Variants in NALF1 observed in about 807,000 individuals in gnomAD.
The protein encoded by NALF1 is NALCN channel auxiliary factor 1, also known as family with sequence similarity 155 member A.
In NALF1, 3 loss-of-function variants were observed where a neutral mutation model predicts 48.4. That is an observed-to-expected ratio of 0.06 (90% CI 0.03 to 0.16). The LOEUF is 0.16. Among genes scored for constraint, NALF1 ranks in the 10% least tolerant of loss-of-function variants. NALF1 has a pLI of 1.00. For missense variants in NALF1, 526 were observed against 571.5 expected, an observed-to-expected ratio of 0.92 and a Z score of 0.81; for synonymous variants, 262 against 245.7, an observed-to-expected ratio of 1.07 and a Z score of -0.62.
intron 1 of NALF1, among the ~76,000 whole-genome samples, chr13:107,482,832 C>A (rs994440617): frequency 6.6e-6 from 1 of 152,260 alleles, no homozygotes; most frequent in African/African-American, 2.4e-5. Context: ...ATACTGGCAA[C>A]GTGCACTATG....
At chr13:107,211,707 A>G (rs1157301226) in intron 1 of NALF1, among the ~76,000 whole-genome samples, 2 of 152,202 alleles carry the variant, frequency 1.3e-5, no homozygotes, top group African/African-American at 4.8e-5. Flanking sequence ...TCTAGGGTTA[A>G]TATTATCCAA....
Position 107,440,533 on chromosome 13 carries a change from C to A in NALF1, c.916-229778G>T, listed in dbSNP as rs534439540. Among the ~76,000 whole-genome samples the A allele has an allele frequency of 2.6e-5, 4 of 152,190 alleles. No individual in the cohort carries two copies. The East Asian group carries it at 7.7e-4, about 29-fold the overall frequency. On this transcript the variant is annotated intron_variant, in intron 1 of 2. Transcript: ENST00000375915. ...TTTTTAAAGTCAGTCATAATGTTTG[C>A]GCTGAGTTTTGAGAGAAAGAGAAGA...
intron 1 of NALF1, among the ~76,000 whole-genome samples, chr13:107,327,580 G>A (rs1882388114): frequency 6.6e-6 from 1 of 152,052 alleles, no homozygotes; most frequent in African/African-American, 2.4e-5. Context: ...AATTTATCTG[G>A]CTTGTGAATA....
At chr13:107,601,696 T>A (rs2138425108) in intron 1 of NALF1, among the ~76,000 whole-genome samples, 1 of 152,244 alleles carries the variant, frequency 6.6e-6, no homozygotes, top group Middle Eastern at 3.4e-3. Context: ...ATTCTCTTTT[T>A]TCATAAGTAG....
At chr13:107,303,949 T>C (rs1289391482) in intron 1 of NALF1, among the ~76,000 whole-genome samples, 1 of 152,198 alleles carries the variant, frequency 6.6e-6, no homozygotes, top group Non-Finnish European at 1.5e-5. Context: ...TCAATCCAAA[T>C]ATAATCTATT....
At chr13:107,556,698 C>T (rs1594127711) in intron 1 of NALF1, among the ~76,000 whole-genome samples, 1 of 152,158 alleles carries the variant, frequency 6.6e-6, no homozygotes, top group Admixed American at 6.5e-5. Flanking sequence ...GTTAGTCAGG[C>T]TGGTTGCGAA....
At chr13:107,500,804 G>C (rs376073562) in intron 1 of NALF1, among the ~76,000 whole-genome samples, 1 of 151,826 alleles carries the variant, frequency 6.6e-6, no homozygotes, top group Non-Finnish European at 1.5e-5. Context: ...GTCCTTTGTA[G>C]GGACATGGAT....
chr13:107,598,486 G>A (rs980421675), intron 1 of NALF1, among the ~76,000 whole-genome samples: 1 of 152,146 alleles, frequency 6.6e-6, no homozygotes, highest in Non-Finnish European at 1.5e-5. Context: ...CATAGACCCA[G>A]TTGCTAAGGA....
intron 1 of NALF1, among the ~76,000 whole-genome samples, chr13:107,805,756 T>C (rs938769894): frequency 6.6e-6 from 1 of 152,212 alleles, no homozygotes; most frequent in African/African-American, 2.4e-5. Flanking sequence ...TCTACAATCT[T>C]GGAAGTCTTG....
rs141683374 is a variant in NALF1, at chr13:107,627,984, A to G, written c.915+237698T>C. On this transcript the variant is annotated intron_variant, in intron 1 of 2. Transcript: ENST00000375915. ...TAATTCTACTTTCATTTACTGGTAA[A>G]GTTATGTGGAATTTATAAATCATAC... Among the ~76,000 whole-genome samples the G allele has an allele frequency of 3.0e-3, 455 of 152,260 alleles. 3 individuals are homozygous for G. The highest frequency in any genetic ancestry group is 0.01 in the African/African-American group (436 of 41,578).
chr13:107,658,701 TC>T (rs1880649711), intron 1 of NALF1, among the ~76,000 whole-genome samples: 1 of 152,064 alleles, frequency 6.6e-6, no homozygotes. Flanking sequence ...ATTCCCTCAC[TC>T]CCGCTCCACT....
At chr13:107,255,600 AG>A (rs1880797847) in intron 1 of NALF1, among the ~76,000 whole-genome samples, 1 of 152,224 alleles carries the variant, frequency 6.6e-6, no homozygotes. Context: ...ACGAATGGAG[AG>A]GACTAATCCA....
At chr13:107,237,954 T>C (rs1019651831) in intron 1 of NALF1, among the ~76,000 whole-genome samples, 1 of 152,194 alleles carries the variant, frequency 6.6e-6, no homozygotes, top group Admixed American at 6.5e-5. Flanking sequence ...GCCATTAACA[T>C]ACACACTAGA....
intron 1 of NALF1, among the ~76,000 whole-genome samples, chr13:107,495,195 T>C (rs1255810013): frequency 6.6e-6 from 1 of 152,230 alleles, no homozygotes; most frequent in Non-Finnish European, 1.5e-5. Flanking sequence ...TGTTGGCCTA[T>C]ATAGTGTAGA....
chr13:107,399,784 T>C (rs1482406420), intron 1 of NALF1, among the ~76,000 whole-genome samples: 1 of 152,194 alleles, frequency 6.6e-6, no homozygotes, highest in Non-Finnish European at 1.5e-5. Flanking sequence ...TTAACAGTTC[T>C]GGTTCTTCCT....
intron 1 of NALF1, among the ~76,000 whole-genome samples, chr13:107,367,925 T>C (rs1325266410): frequency 1.3e-5 from 2 of 152,190 alleles, no homozygotes; most frequent in East Asian, 3.9e-4. Context: ...CTGAAGATGC[T>C]ATCTTTGATT....
At chr13:107,209,145 C>G (rs2138802878) in intron 2 of NALF1, among the ~76,000 whole-genome samples, 1 of 152,234 alleles carries the variant, frequency 6.6e-6, no homozygotes, top group Non-Finnish European at 1.5e-5. Flanking sequence ...ACAATAGAAA[C>G]AGGATGAAGG....
rs138227304 is a variant in NALF1 at position 107,855,098 on chromosome 13, C to T, written c.915+10584G>A. 4.6e-5 allele frequency among the ~76,000 whole-genome samples: 7 copies of T among 152,250 alleles called. No homozygotes were observed. The East Asian group carries it at 1.4e-3, about 30-fold the overall frequency. Reference sequence around the variant, plus strand: ...GTCACCTCTTTGCAGAGGCGTTTCGCTGACAGAAAGGAAGCTCTAGCCACA... The same window carrying T: ...GTCACCTCTTTGCAGAGGCGTTTCGTTGACAGAAAGGAAGCTCTAGCCACA... On this transcript the variant is annotated intron_variant, in intron 1 of 2. Coordinates refer to ENST00000375915, the MANE Select transcript of NALF1 (RefSeq NM_001080396.3).
chr13:107,458,585 G>A (rs939125076), intron 1 of NALF1, among the ~76,000 whole-genome samples: 2 of 152,098 alleles, frequency 1.3e-5, no homozygotes, highest in East Asian at 1.9e-4. Context: ...AGAAGCAGGC[G>A]AGCACAAGGT....
Sources: allele counts gnomAD v4.1 joint callset (sites outside exome capture counted in the v4.1 genomes callset), GRCh38; gene constraint gnomAD v4.1.1; transcripts MANE v1.5; gene names NCBI Gene and HGNC (gene_info 2026-07-23, HGNC 2026-07-21).